DTWD1: variants seen among roughly 807,000 people sequenced by gnomAD.
The protein encoded by DTWD1 is tRNA-uridine aminocarboxypropyltransferase 1.
A neutral mutation model predicts 30.2 loss-of-function variants in DTWD1; 27 were observed. The ratio of observed to expected loss-of-function variants is 0.90; its 90% confidence interval spans 0.66 to 1.23. The LOEUF is 1.23. DTWD1 is among the 50% of genes most tolerant of loss of function. DTWD1 has a pLI of 0.00. For missense variants in DTWD1, 342 were observed against 348.8 expected (o/e 0.98, Z 0.15); for synonymous variants, 99 against 113.1 (o/e 0.88, Z 0.79).
chr15:49,625,244 A>C lies in DTWD1; in HGVS notation c.77A>C (p.Gln26Pro). 6.2e-7 allele frequency: 1 copy of C among 1,613,536 alleles called. No individual in the cohort carries two copies. The highest frequency in any genetic ancestry group is 8.5e-7 in the Non-Finnish European group (1 of 1,179,656). Residue 26 changes from glutamine to proline, a missense_variant, in exon 2 of 5, where the codon CAA becomes CCA. Physicochemically the swap from Gln to Pro is moderately conservative, Grantham distance 76. Coordinates refer to ENST00000403028, the MANE Select transcript of DTWD1 (RefSeq NM_001144955.2). ...AAATTTGTGGAAACAAAACAGTCAC[A>C]AACTACTTCCATAGCTTCAGAAGAT... ...SSKFVETKQS[Q>P]TTSIASEDPL...
At position 49,655,100 on chromosome 15, in the gene DTWD1, A is replaced by G. The variant is rs553987398; in HGVS notation, c.*11522A>G. ...CTCCAAATCTAGCACATTGAGGTTT[A>G]GGGCTTCAACATATGAATTTCAGTG... On this transcript the variant is annotated 3_prime_UTR_variant, in exon 5 of 5. Transcript: ENST00000403028. The G allele has an allele frequency of 2.6e-5, 4 of 152,204 alleles. No individual in the cohort carries two copies. Among genetic ancestry groups the G allele is most frequent in the South Asian group, 4.1e-4 (2 of 4,828 alleles). 9.4% of individuals were successfully genotyped at this position (152,204 alleles called of 1,614,324 possible). A position where few individuals can be genotyped will look rare whatever the true frequency, so the allele number is the denominator to read the frequency against.
At chr15:49,636,362 A>G (rs1186970041) in intron 4 of DTWD1, among the ~76,000 whole-genome samples, 2 of 152,094 alleles carry the variant, frequency 1.3e-5, no homozygotes, top group African/African-American at 2.4e-5. Flanking sequence ...TAATAAATAC[A>G]GTACCATTAT....
At chr15:49,641,986 C>T (rs1324553735) in intron 4 of DTWD1, among the ~76,000 whole-genome samples, 1 of 152,070 alleles carries the variant, frequency 6.6e-6, no homozygotes, top group Non-Finnish European at 1.5e-5. Context: ...AAAATAATTT[C>T]TGGAAAAGTC....
intron 1 of DTWD1, chr15:49,623,607 T>C (rs1312691991): frequency 6.6e-6 from 1 of 152,172 alleles, no homozygotes; most frequent in Non-Finnish European, 1.5e-5. Context: ...AGATGGACTC[T>C]AGGAGATCTC....
rs1255323163 is a variant in DTWD1 at position 49,654,748 on chromosome 15, G to A, written c.*11170G>A. 3 of 152,014 alleles carry A rather than the reference G, an allele frequency of 2.0e-5. No homozygotes were observed. The highest frequency in any genetic ancestry group is 4.4e-5 in the Non-Finnish European group (3 of 67,992). The allele number at this position is 152,014 out of a possible 1,614,324, so 9.4% of individuals were successfully genotyped here. A position where few individuals can be genotyped will look rare whatever the true frequency, so the allele number is the denominator to read the frequency against. ...AGGCCACCTAAGGAAGAACTGAGACGTCCCAGTCAATAGCACTGCCTTAGT... is the reference window on the plus strand; with the variant it reads ...AGGCCACCTAAGGAAGAACTGAGACATCCCAGTCAATAGCACTGCCTTAGT... On this transcript the variant is annotated 3_prime_UTR_variant, in exon 5 of 5. Transcript: ENST00000403028.
chr15:49,628,192 C>T (rs1346752704), intron 2 of DTWD1, among the ~76,000 whole-genome samples: 1 of 152,138 alleles, frequency 6.6e-6, no homozygotes, highest in African/African-American at 2.4e-5. Flanking sequence ...CACATCTTGT[C>T]CCACTGGAAG....
chr15:49,643,345 G>C lies in DTWD1; in HGVS notation c.682G>C (p.Glu228Gln), dbSNP rs1451016876. 8.9e-6 allele frequency: 12 copies of C among 1,353,874 alleles called. No homozygotes were observed. The highest frequency in any genetic ancestry group is 1.2e-5 in the Non-Finnish European group (12 of 1,043,310). The allele number at this position is 1,353,874 out of a possible 1,614,324, so 83.9% of individuals were successfully genotyped here. A position where few individuals can be genotyped will look rare whatever the true frequency, so the allele number is the denominator to read the frequency against. ...DERLQGLLQVELKTRKTCFWR... is the reference protein window; with the variant it reads ...DERLQGLLQVQLKTRKTCFWR... ...TTTTTTGACAGGGTTGTTACAAGTT[G>C]AGTTGAAAACAAGAAAAACTTGCTT... The change falls in exon 5 of 5, where the codon GAG (glutamate) becomes CAG (glutamine). Residue 228 changes from glutamate to glutamine, a missense_variant. By Grantham distance (29) the Glu-to-Gln change is conservative. Coordinates refer to ENST00000403028, the MANE Select transcript of DTWD1 (RefSeq NM_001144955.2).
intron 2 of DTWD1, among the ~76,000 whole-genome samples, chr15:49,627,982 CACTT>C (rs749499594): frequency 1.3e-5 from 2 of 152,180 alleles, no homozygotes; most frequent in East Asian, 1.9e-4. Context: ...CTTGTGATAA[CACTT>C]ACATTTAAAC....
At chr15:49,628,143 A>G (rs1489669070) in intron 2 of DTWD1, among the ~76,000 whole-genome samples, 1 of 152,116 alleles carries the variant, frequency 6.6e-6, no homozygotes, top group Non-Finnish European at 1.5e-5. Context: ...AGGCTTACAC[A>G]GTGTCAGGAT....
At chr15:49,624,580 A>G (rs922685819) in intron 1 of DTWD1, among the ~76,000 whole-genome samples, 5 of 152,192 alleles carry the variant, frequency 3.3e-5, no homozygotes, top group Admixed American at 1.3e-4. Context: ...GGGATATTTT[A>G]CAAATTGTAA....
rs182263854 is a variant in DTWD1, at chr15:49,625,202, G to A, written c.35G>A (p.Ser12Asn). 13 of 1,613,358 alleles carry A rather than the reference G, an allele frequency of 8.1e-6. No individual in the cohort carries two copies. In the Admixed American group the frequency reaches 8.3e-5, roughly 10 times the overall value. Reference sequence around the variant, plus strand: ...AATCCACCTATATTTCTCAAACGAAGTGAAGAAAATAGTTCAAAATTTGTG... The same window carrying A: ...AATCCACCTATATTTCTCAAACGAAATGAAGAAAATAGTTCAAAATTTGTG... ...SLNPPIFLKR[S>N]EENSSKFVET... The change falls in exon 2 of 5, where the codon AGT becomes AAT. Residue 12 changes from serine (S) to asparagine (N), a missense_variant. Transcript: ENST00000403028.
At chr15:49,639,456 GGA>G (rs2079040342) in intron 4 of DTWD1, among the ~76,000 whole-genome samples, 1 of 152,118 alleles carries the variant, frequency 6.6e-6, no homozygotes, top group Non-Finnish European at 1.5e-5. Context: ...TAGGTACTTG[GGA>G]GACTGAGGCA....
chr15:49,628,472 C>G (rs2078874517), intron 2 of DTWD1, among the ~76,000 whole-genome samples: 2 of 152,192 alleles, frequency 1.3e-5, no homozygotes, highest in Non-Finnish European at 2.9e-5. Context: ...TCAGCATCAT[C>G]ACAAGCATAT....
rs896072426 is a variant in DTWD1, at chr15:49,647,276, A to C, written c.*3698A>C. 1 of 152,186 alleles carries C rather than the reference A, an allele frequency of 6.6e-6. No homozygotes were observed. The highest frequency in any genetic ancestry group is 2.4e-5 in the African/African-American group (1 of 41,454). 9.4% of individuals were successfully genotyped at this position (152,186 alleles called of 1,614,324 possible). ...TTTATTTGTTCTTTTCTTTGAGGCC[A>C]TGTTAATGGCAGTCCCTTGATTTGG... On this transcript the variant is annotated 3_prime_UTR_variant, in exon 5 of 5. Transcript: ENST00000403028.
chr15:49,628,037 C>T (rs1326415967), intron 2 of DTWD1, among the ~76,000 whole-genome samples: 1 of 152,032 alleles, frequency 6.6e-6, no homozygotes, highest in East Asian at 1.9e-4. Flanking sequence ...TTTCTTTATG[C>T]TCTTATTCTG....
chr15:49,630,938 A>G (rs1429782482), intron 2 of DTWD1: 2 of 424,450 alleles, frequency 4.7e-6, no homozygotes, highest in East Asian at 1.6e-4. Flanking sequence ...CAAGGGACCT[A>G]GATTGCATGC....
intron 1 of DTWD1, among the ~76,000 whole-genome samples, chr15:49,622,135 G>A (rs775352989): frequency 1.3e-4 from 20 of 152,164 alleles, no homozygotes; most frequent in Non-Finnish European, 2.4e-4. Context: ...TTGCAGAATG[G>A]TTTTGATTTA....
At position 49,625,215 on chromosome 15, in the gene DTWD1, T is replaced by G; in HGVS notation, c.48T>G (p.Ser16Arg). The change falls in exon 2 of 5, where the codon AGT (serine) becomes AGG (arginine). Residue 16 changes from serine to arginine, a missense_variant. By Grantham distance (110) the Ser-to-Arg change is moderately radical (BLOSUM62 -1). Coordinates refer to ENST00000403028, the MANE Select transcript of DTWD1 (RefSeq NM_001144955.2). Reference protein sequence around the residue: ...PIFLKRSEENSSKFVETKQSQ... With the variant: ...PIFLKRSEENRSKFVETKQSQ... ...TTCTCAAACGAAGTGAAGAAAATAG[T>G]TCAAAATTTGTGGAAACAAAACAGT... 2 of 1,613,478 alleles carry G rather than the reference T, an allele frequency of 1.2e-6. No individual in the cohort carries two copies. The highest frequency in any genetic ancestry group is 8.5e-7 in the Non-Finnish European group (1 of 1,179,634).
chr15:49,623,468 T>C (rs1481682326), intron 1 of DTWD1, among the ~76,000 whole-genome samples: 2 of 152,054 alleles, frequency 1.3e-5, no homozygotes, highest in Non-Finnish European at 2.9e-5. Context: ...CTCACTTTGT[T>C]GTCCAGACTG....
Sources: gnomAD v4.1 joint callset for allele counts (sites outside exome capture counted in the v4.1 genomes callset) on GRCh38, gnomAD v4.1.1 for gene constraint, MANE v1.5 for transcripts, NCBI Gene and HGNC (gene_info 2026-07-23, HGNC 2026-07-21) for gene names.